PGAP1: variants seen among roughly 807,000 people sequenced by gnomAD.
PGAP1 encodes the protein GPI inositol-deacylase.
PGAP1 carries 76 observed loss-of-function variants against 127.0 expected under a neutral mutation model. That is an observed-to-expected ratio of 0.60 (90% CI 0.50 to 0.72). PGAP1 has a LOEUF of 0.72. PGAP1 is among the 30% of genes least tolerant of loss of function. The pLI, the probability that PGAP1 is intolerant of heterozygous loss-of-function variation, is 0.00. For synonymous variants in PGAP1, 362 were observed against 366.5 expected (o/e 0.99, Z 0.14); for missense variants, 982 against 1,071.3 (o/e 0.92, Z 1.16).
intron 20 of PGAP1, among the ~76,000 whole-genome samples, chr2:196,855,270 G>A (rs1400235352): frequency 6.8e-6 from 1 of 146,330 alleles, no homozygotes; most frequent in African/African-American, 2.6e-5. Context: ...AAGTTGCAGT[G>A]AGCCTAGATC....
rs1700488489 is a variant in PGAP1 at position 196,844,011 on chromosome 2, T to C, written c.2402A>G (p.His801Arg). 6.2e-7 allele frequency: 1 copy of C among 1,608,480 alleles called. No homozygotes were observed. The highest frequency in any genetic ancestry group is 8.5e-7 in the Non-Finnish European group (1 of 1,176,128). The change falls in exon 25 of 27, where the codon CAT becomes CGT. Residue 801 changes from histidine (H) to arginine (R), a missense_variant. His to Arg is a conservative substitution (Grantham distance 29, BLOSUM62 0). Coordinates refer to ENST00000354764, the MANE Select transcript of PGAP1 (RefSeq NM_024989.4). ...SNHHKDSSIH[H>R]LRLSANDAED... ...AGCATCGTTGGCAGATAAACGAAGA[T>C]GGTGTATTGAGGAGTCTTTATGATG...
At chr2:196,855,371 A>G (rs1250353213) in intron 20 of PGAP1, among the ~76,000 whole-genome samples, 1 of 151,492 alleles carries the variant, frequency 6.6e-6, no homozygotes, top group Non-Finnish European at 1.5e-5. Context: ...CAGCCTCCCA[A>G]AGCATTGATA....
intron 26 of PGAP1, among the ~76,000 whole-genome samples, chr2:196,842,039 C>T (rs1035081597): frequency 1.3e-5 from 2 of 149,832 alleles, no homozygotes; most frequent in African/African-American, 2.4e-5. Flanking sequence ...TTTATTTTAA[C>T]CCTACTTATA....
chr2:196,860,651 A>T (rs1195136873), intron 20 of PGAP1, among the ~76,000 whole-genome samples: 1 of 152,210 alleles, frequency 6.6e-6, no homozygotes, highest in East Asian at 1.9e-4. Context: ...CACAGTGAAA[A>T]ATTATAAAAC....
intron 10 of PGAP1, among the ~76,000 whole-genome samples, chr2:196,888,815 T>C (rs1404919528): frequency 2.0e-5 from 3 of 152,156 alleles, no homozygotes; most frequent in South Asian, 2.1e-4. Context: ...AATGGTATTA[T>C]GGTAATGTAT....
intron 19 of PGAP1, among the ~76,000 whole-genome samples, chr2:196,868,543 C>T (rs567347875): frequency 2.2e-4 from 33 of 152,250 alleles, no homozygotes; most frequent in African/African-American, 7.5e-4. Flanking sequence ...TAAAATATTT[C>T]ATCTAAAAAT....
chr2:196,905,814 C>A (rs1426321991), intron 4 of PGAP1, among the ~76,000 whole-genome samples: 1 of 136,032 alleles, frequency 7.4e-6, no homozygotes, highest in African/African-American at 2.8e-5. Context: ...AGGGAGTTCC[C>A]TTTCCGAGTC....
At chr2:196,912,219 T>C (rs554210913) in intron 4 of PGAP1, among the ~76,000 whole-genome samples, 1 of 152,196 alleles carries the variant, frequency 6.6e-6, no homozygotes. Flanking sequence ...CCTTTGTACT[T>C]AAAAACTAGA....
intron 10 of PGAP1, among the ~76,000 whole-genome samples, chr2:196,888,619 T>C (rs945949140): frequency 1.5e-4 from 22 of 149,972 alleles, no homozygotes; most frequent in African/African-American, 5.2e-4. Flanking sequence ...AACATTTAAG[T>C]AGCATGGGGG....
intron 20 of PGAP1, among the ~76,000 whole-genome samples, chr2:196,854,318 A>G (rs1700809854): frequency 6.6e-6 from 1 of 152,186 alleles, no homozygotes; most frequent in Non-Finnish European, 1.5e-5. Context: ...GATTAGGCTT[A>G]TTTGGTAAAT....
In PGAP1 at chr2:196,921,053, G is replaced by A. The variant is rs115531262; in HGVS notation, c.148-903C>T. ...AAGAGTGAAACCAATTACATTGGAC[G>A]GTAATGTCTATTTAGGTATACATAG... On this transcript the variant is annotated intron_variant, in intron 1 of 26. Coordinates refer to ENST00000354764, the MANE Select transcript of PGAP1 (RefSeq NM_024989.4). 6.5e-3 allele frequency among the ~76,000 whole-genome samples: 986 copies of A among 151,764 alleles called. 6 individuals carry two copies. Among genetic ancestry groups the A allele is most frequent in the African/African-American group, 0.023 (933 of 41,424 alleles).
chr2:196,886,121 C>T (rs1393826589), intron 10 of PGAP1, among the ~76,000 whole-genome samples: 1 of 149,644 alleles, frequency 6.7e-6, no homozygotes, highest in Non-Finnish European at 1.5e-5. Context: ...ATCCTGGAGC[C>T]AAGAGTACGA....
At chr2:196,920,663 A>T (rs1189095144) in intron 1 of PGAP1, among the ~76,000 whole-genome samples, 1 of 152,138 alleles carries the variant, frequency 6.6e-6, no homozygotes, top group African/African-American at 2.4e-5. Flanking sequence ...CTGACTTCTC[A>T]ACTTAATATG....
intron 20 of PGAP1, among the ~76,000 whole-genome samples, chr2:196,861,632 T>C (rs1701067983): frequency 6.6e-6 from 1 of 152,070 alleles, no homozygotes; most frequent in African/African-American, 2.4e-5. Context: ...GGTCAGGAGT[T>C]TGAGACCAGC....
At chr2:196,921,152 A>C (rs1452200216) in intron 1 of PGAP1, among the ~76,000 whole-genome samples, 2 of 150,764 alleles carry the variant, frequency 1.3e-5, no homozygotes, top group African/African-American at 2.4e-5. Flanking sequence ...AAAACCTGTA[A>C]ATGTTGCTAA....
At chr2:196,914,418 C>T (rs1702933833) in intron 3 of PGAP1, among the ~76,000 whole-genome samples, 1 of 152,060 alleles carries the variant, frequency 6.6e-6, no homozygotes. Flanking sequence ...GTCAGGAGTT[C>T]GAGACCAGCC....
chr2:196,866,195 G>T (rs1701235917), intron 19 of PGAP1, among the ~76,000 whole-genome samples: 1 of 152,194 alleles, frequency 6.6e-6, no homozygotes, highest in Admixed American at 6.5e-5. Context: ...CAATGCTGGA[G>T]GCATCACTCT....
Position 196,926,300 on chromosome 2 carries a change from G to C in PGAP1, c.147+170C>G, listed in dbSNP as rs181305288. 3.0e-4 allele frequency among the ~76,000 whole-genome samples: 45 copies of C among 151,928 alleles called. 2 individuals carry two copies. In the East Asian group the frequency reaches 6.0e-3, roughly 20 times the overall value. On this transcript the variant is annotated intron_variant, in intron 1 of 26. Transcript: ENST00000354764. ...AGAAGGGACACAAAGGGGAGGTGAG[G>C]GGGGCAGAAGGGGGATGCAGAGTCT...
rs928283231 is a variant in PGAP1 at position 196,840,148 on chromosome 2, C to T, written c.*1086G>A. 2 of 152,186 alleles carry T rather than the reference C, an allele frequency of 1.3e-5. No individual in the cohort carries two copies. Among genetic ancestry groups the T allele is most frequent in the Non-Finnish European group, 2.9e-5 (2 of 68,044 alleles). 9.4% of individuals were successfully genotyped at this position (152,186 alleles called of 1,614,324 possible). On this transcript the variant is annotated 3_prime_UTR_variant, in exon 27 of 27. Transcript: ENST00000354764. ...GAAGTCACCTAGGCAAATCAAGATT[C>T]CACTGTTAAACCTAGTGGCTAATGT...
Sources: gnomAD v4.1 joint callset for allele counts (sites outside exome capture counted in the v4.1 genomes callset) on GRCh38, gnomAD v4.1.1 for gene constraint, MANE v1.5 for transcripts, NCBI Gene and HGNC (gene_info 2026-07-23, HGNC 2026-07-21) for gene names.